Variants in DYM observed in about 807,000 individuals in gnomAD.
DYM encodes dymeclin.
DYM carries 78 observed loss-of-function variants against 93.1 expected under a neutral mutation model. That is an observed-to-expected ratio of 0.84 (90% CI 0.70 to 1.01). The LOEUF is 1.01. Among genes scored for constraint, DYM ranks in the 50% least tolerant of loss-of-function variants. DYM has a pLI of 0.00. For synonymous variants in DYM, 321 were observed against 319.7 expected (o/e 1.00, Z -0.04); for missense variants, 789 against 845.0 (o/e 0.93, Z 0.82).
chr18:49,186,920 C>CTTTTT (rs57080617), intron 14 of DYM, among the ~76,000 whole-genome samples: 6 of 117,800 alleles, frequency 5.1e-5, no homozygotes, highest in Admixed American at 8.8e-5. Context: ...ACACAATCTT[C>CTTTTT]TTTTTTTTTT....
Position 49,042,919 on chromosome 18 carries a change from T to C in DYM, c.*1136A>G, listed in dbSNP as rs1317209623. ...TTTTCATCCCACGTGGAATACAGTA[T>C]GAACAAATTACTCTCCTTTTTCTAT... On this transcript the variant is annotated 3_prime_UTR_variant, in exon 18 of 18. Coordinates refer to ENST00000675505, the MANE Select transcript of DYM (RefSeq NM_001353214.3). The C allele has an allele frequency of 2.0e-5, 3 of 152,208 alleles. No individual in the cohort carries two copies. The highest frequency in any genetic ancestry group is 7.2e-5 in the African/African-American group (3 of 41,452). 9.4% of individuals were successfully genotyped at this position (152,208 alleles called of 1,614,324 possible). A position where few individuals can be genotyped will look rare whatever the true frequency, so the allele number is the denominator to read the frequency against.
chr18:49,418,667 G>A (rs1237680212), intron 2 of DYM, among the ~76,000 whole-genome samples: 3 of 152,254 alleles, frequency 2.0e-5, no homozygotes, highest in South Asian at 2.1e-4. Context: ...TGTATCTAAC[G>A]AATTCCAAGA....
At chr18:49,457,523 AACAG>A (rs2083090215) in intron 1 of DYM, among the ~76,000 whole-genome samples, 3 of 152,232 alleles carry the variant, frequency 2.0e-5, no homozygotes, top group African/African-American at 7.2e-5. Context: ...AGGAAAAATG[AACAG>A]TCTTCTCTAG....
intron 17 of DYM, among the ~76,000 whole-genome samples, chr18:49,045,887 G>A (rs918257910): frequency 1.3e-5 from 2 of 152,290 alleles, no homozygotes; most frequent in Admixed American, 6.5e-5. Context: ...AGGGCCTGAA[G>A]GCTAAGGCAT....
At chr18:49,313,589 T>C (rs74833067) in intron 8 of DYM, among the ~76,000 whole-genome samples, 12,118 of 147,218 alleles carry the variant, frequency 0.082, 766 homozygotes, top group East Asian at 0.32. Context: ...TTGTTTAGCA[T>C]ATCATCAAGA....
intron 8 of DYM, among the ~76,000 whole-genome samples, chr18:49,310,943 C>T (rs1253686975): frequency 6.6e-6 from 1 of 151,986 alleles, no homozygotes; most frequent in African/African-American, 2.4e-5. Context: ...TTTATTTAAT[C>T]CAATATAGGC....
At chr18:49,305,190 T>C in intron 8 of DYM, among the ~76,000 whole-genome samples, 1 of 152,004 alleles carries the variant, frequency 6.6e-6, no homozygotes, top group South Asian at 2.1e-4. Context: ...CCTTCCCAAT[T>C]CCCTCACTTC....
At chr18:49,347,798 T>C (rs1358858630) in intron 6 of DYM, among the ~76,000 whole-genome samples, 1 of 152,210 alleles carries the variant, frequency 6.6e-6, no homozygotes, top group Non-Finnish European at 1.5e-5. Context: ...AAACCAAAAT[T>C]CTACCATGCT....
chr18:49,121,170 G>C (rs1209543061), intron 15 of DYM, among the ~76,000 whole-genome samples: 1 of 152,144 alleles, frequency 6.6e-6, no homozygotes, highest in African/African-American at 2.4e-5. Context: ...GAATTGATTG[G>C]GAATTTCAGC....
At chr18:49,190,739 T>C (rs2090887661) in intron 14 of DYM, among the ~76,000 whole-genome samples, 1 of 152,110 alleles carries the variant, frequency 6.6e-6, no homozygotes, top group South Asian at 2.1e-4. Flanking sequence ...TATACATGCA[T>C]TTTCTTCCAC....
At chr18:49,187,603 G>C (rs2090570233) in intron 14 of DYM, among the ~76,000 whole-genome samples, 1 of 152,088 alleles carries the variant, frequency 6.6e-6, no homozygotes, top group Admixed American at 6.5e-5. Flanking sequence ...TAGGACATCA[G>C]AAAGATATTT....
intron 17 of DYM, among the ~76,000 whole-genome samples, chr18:49,085,059 C>T (rs753250784): frequency 3.9e-5 from 6 of 152,266 alleles, no homozygotes; most frequent in Non-Finnish European, 7.4e-5. Flanking sequence ...TATATGATCT[C>T]TCAATTTACA....
At chr18:49,046,662 G>A (rs2071629611) in intron 17 of DYM, among the ~76,000 whole-genome samples, 1 of 152,198 alleles carries the variant, frequency 6.6e-6, no homozygotes, top group African/African-American at 2.4e-5. Context: ...CACTGTGAGA[G>A]GCCAAGGCAG....
At chr18:49,201,513 G>T (rs954168583) in intron 14 of DYM, among the ~76,000 whole-genome samples, 1 of 152,036 alleles carries the variant, frequency 6.6e-6, no homozygotes, top group Non-Finnish European at 1.5e-5. Flanking sequence ...AAAACTCAAT[G>T]GGCTACCAAA....
chr18:49,090,188 CTTTA>C (rs970675887), intron 17 of DYM, among the ~76,000 whole-genome samples: 1 of 152,096 alleles, frequency 6.6e-6, no homozygotes, highest in Non-Finnish European at 1.5e-5. Context: ...TGATCTTTGT[CTTTA>C]TTGGACAAGA....
At position 49,170,640 on chromosome 18, in the gene DYM, C is replaced by T. The variant is rs1047186915; in HGVS notation, c.1626-6853G>A. Among the ~76,000 whole-genome samples, 6 of 151,648 alleles carry T rather than the reference C, an allele frequency of 4.0e-5. No homozygotes were observed. The South Asian group carries it at 6.2e-4, about 16-fold the overall frequency. ...AATAAAAATACAAAAACTAGCTGGG[C>T]GTGGTGGCACGTGCCTGTAATCCCA... On this transcript the variant is annotated intron_variant, in intron 14 of 17. Transcript: ENST00000675505.
intron 9 of DYM, among the ~76,000 whole-genome samples, chr18:49,285,084 C>A (rs1387100852): frequency 1.3e-5 from 2 of 152,172 alleles, no homozygotes; most frequent in African/African-American, 4.8e-5. Flanking sequence ...TGAGCCCTCA[C>A]CAGACACCAA....
chr18:49,218,383 C>T lies in DYM; in HGVS notation c.1461-8668G>A, dbSNP rs1431264128. Among the ~76,000 whole-genome samples, 8 of 152,314 alleles carry T rather than the reference C, an allele frequency of 5.3e-5. No individual in the cohort carries two copies. In the South Asian group the frequency reaches 1.2e-3, roughly 24 times the overall value. On this transcript the variant is annotated intron_variant, in intron 13 of 17. Coordinates refer to ENST00000675505, the MANE Select transcript of DYM (RefSeq NM_001353214.3). ...TTAACAAGGATATCCAGGAATTGAA[C>T]TCAGCTCTGCACCAAGCGGACCTAA...
chr18:49,093,631 A>G (rs181286949), intron 17 of DYM, among the ~76,000 whole-genome samples: 101 of 152,294 alleles, frequency 6.6e-4, no homozygotes, highest in African/African-American at 2.2e-3. Context: ...CTGGCTATTC[A>G]TATTTCCACA....
Sources: allele counts gnomAD v4.1 joint callset (sites outside exome capture counted in the v4.1 genomes callset), GRCh38; gene constraint gnomAD v4.1.1; transcripts MANE v1.5; gene names NCBI Gene and HGNC (gene_info 2026-07-23, HGNC 2026-07-21).